CD1B: variants seen among roughly 807,000 people sequenced by gnomAD.
The protein encoded by CD1B is T-cell surface glycoprotein CD1b.
In CD1B, 43 loss-of-function variants were observed where a neutral mutation model predicts 39.8. That is an observed-to-expected ratio of 1.08 (90% confidence interval 0.85 to 1.39). The LOEUF (loss-of-function observed/expected upper bound fraction) is 1.39. CD1B is among the 40% of genes most tolerant of loss of function. The pLI is 0.00. For missense variants in CD1B, 495 were observed against 403.8 expected (o/e 1.23, Z -1.94); for synonymous variants, 192 against 152.5 (o/e 1.26, Z -1.91).
chr1:158,293,714 T>C, the CD1B span: 2 of 947,642 alleles, frequency 2.1e-6, no homozygotes, highest in Non-Finnish European at 3.2e-6. Flanking sequence ...ACGATCTTCC[T>C]TGACCCATAC....
At chr1:158,320,682 C>T in the CD1B span, among the ~76,000 whole-genome samples, 1 of 152,062 alleles carries the variant, frequency 6.6e-6, no homozygotes, top group Non-Finnish European at 1.5e-5. Flanking sequence ...TTGGCTCCTC[C>T]CCCTCCATAG....
At chr1:158,300,997 A>G in the CD1B span, among the ~76,000 whole-genome samples, 1 of 151,888 alleles carries the variant, frequency 6.6e-6, no homozygotes, top group East Asian at 1.9e-4. Context: ...TGACTTCATG[A>G]TCTGCCCACC....
At chr1:158,311,096 C>T in the CD1B span, among the ~76,000 whole-genome samples, 4 of 152,104 alleles carry the variant, frequency 2.6e-5, no homozygotes, top group Non-Finnish European at 4.4e-5. Context: ...TCTATCTGGT[C>T]TTTAATGGGT....
chr1:158,297,476 C>T, the CD1B span, among the ~76,000 whole-genome samples: 1 of 152,142 alleles, frequency 6.6e-6, no homozygotes, highest in South Asian at 2.1e-4. Context: ...CTCTTACCAG[C>T]CACCACATAA....
chr1:158,297,753 A>G, the CD1B span, among the ~76,000 whole-genome samples: 1 of 152,018 alleles, frequency 6.6e-6, no homozygotes, highest in South Asian at 2.1e-4. Context: ...GGCAACATGG[A>G]AAAACCCCAT....
chr1:158,291,018 A>G, the CD1B span: 2 of 1,084,568 alleles, frequency 1.8e-6, no homozygotes, highest in South Asian at 1.7e-5. Flanking sequence ...TGGTATAGCT[A>G]AAGTAGTCAT....
At chr1:158,292,761 A>G in the CD1B span, 1 of 1,614,156 alleles carries the variant, frequency 6.2e-7, no homozygotes, top group Non-Finnish European at 8.5e-7. Flanking sequence ...CCTAATGCTG[A>G]TGGGACATGG....
chr1:158,319,097 T>A, the CD1B span, among the ~76,000 whole-genome samples: 1 of 151,306 alleles, frequency 6.6e-6, no homozygotes, highest in African/African-American at 2.4e-5. Context: ...GCCCTTAACA[T>A]TTTTTCCTTC....
At chr1:158,300,752 C>G in the CD1B span, among the ~76,000 whole-genome samples, 1 of 144,224 alleles carries the variant, frequency 6.9e-6, no homozygotes, top group Non-Finnish European at 1.5e-5. Flanking sequence ...CTTTGTCTCT[C>G]TCTCTCTCTT....
At position 158,329,862 on chromosome 1, in the gene CD1B, C is replaced by A; in HGVS notation, c.597G>T (p.Leu199=). 6.2e-7 allele frequency: 1 copy of A among 1,613,152 alleles called. No individual in the cohort carries two copies. ...AACAGCAGGACTAACCTTGTCTTTG[C>A]AGATCTGCTTTTCCTGCATTGAGGA... ...LGVLNAGKAD[L]QRQVKPEAWL... Residue 199 remains leucine (L), a synonymous_variant, in exon 3 of 6, where the codon CTG becomes CTT. Transcript: ENST00000368168.
Position 158,329,565 on chromosome 1 carries a change from G to A in CD1B, c.691C>T (p.Pro231Ser). ...QLVCHVSGFY[P>S]KPVWVMWMRG... is the part of the protein sequence containing the mutation. Reference sequence around the variant, plus strand: ...ATCCACATCACCCACACGGGCTTTGGGTAGAATCCTGAGACATGGCACACA... The same window carrying A: ...ATCCACATCACCCACACGGGCTTTGAGTAGAATCCTGAGACATGGCACACA... The change falls in exon 4 of 6, where the codon CCA becomes TCA. Residue 231 changes from proline (P) to serine (S), a missense_variant. Physicochemically the swap from Pro to Ser is moderately conservative, Grantham distance 74. Coordinates refer to ENST00000368168, the MANE Select transcript of CD1B (RefSeq NM_001764.3). The A allele has an allele frequency of 1.2e-6, 2 of 1,614,070 alleles. No individual in the cohort carries two copies. The highest frequency in any genetic ancestry group is 1.7e-6 in the Non-Finnish European group (2 of 1,180,030).
the CD1B span, among the ~76,000 whole-genome samples, chr1:158,300,522 T>C: frequency 6.6e-6 from 1 of 152,142 alleles, no homozygotes; most frequent in Non-Finnish European, 1.5e-5. Context: ...TGAGTTCAAG[T>C]CCTGGATATC....
chr1:158,319,415 C>G, the CD1B span, among the ~76,000 whole-genome samples: 9 of 152,224 alleles, frequency 5.9e-5, no homozygotes, highest in South Asian at 2.1e-4. Context: ...TCATTCATTT[C>G]ATCTTCCATC....
the CD1B span, among the ~76,000 whole-genome samples, chr1:158,320,105 C>A: frequency 1.3e-5 from 2 of 152,244 alleles, no homozygotes; most frequent in African/African-American, 2.4e-5. Flanking sequence ...GAGGTTACAG[C>A]TTTTTGTTTG....
chr1:158,315,555 T>C, the CD1B span, among the ~76,000 whole-genome samples: 1 of 151,876 alleles, frequency 6.6e-6, no homozygotes, highest in East Asian at 1.9e-4. Flanking sequence ...TTCTCGATAT[T>C]AGCCCTTTGT....
the CD1B span, among the ~76,000 whole-genome samples, chr1:158,297,277 G>A: frequency 6.6e-6 from 1 of 152,152 alleles, no homozygotes; most frequent in East Asian, 1.9e-4. Flanking sequence ...TTAGAAGCCA[G>A]AAGACATTGA....
the CD1B span, among the ~76,000 whole-genome samples, chr1:158,298,912 T>G: frequency 0.011 from 1,651 of 152,296 alleles, 27 homozygotes; most frequent in African/African-American, 0.038. Context: ...AAAGAGATTT[T>G]GGGCTGAGGT....
At chr1:158,288,670 G>A in the CD1B span, among the ~76,000 whole-genome samples, 1 of 152,220 alleles carries the variant, frequency 6.6e-6, no homozygotes, top group African/African-American at 2.4e-5. Context: ...TGGGATTACA[G>A]GCATGAGTCA....
rs532396974 is a variant in CD1B, at chr1:158,329,736, C to T, written c.608-88G>A. On this transcript the variant is annotated intron_variant, in intron 3 of 5. Transcript: ENST00000368168. ...AGAAACCTACAAGCTTGGACAGCGA[C>T]CCCATTCACTCCTTTGGGAACCAAA... 127 of 1,564,976 alleles carry T rather than the reference C, an allele frequency of 8.1e-5. No individual in the cohort carries two copies. In the African/African-American group the frequency reaches 1.0e-3, roughly 13 times the overall value.
Sources: gnomAD v4.1 joint callset for allele counts (sites outside exome capture counted in the v4.1 genomes callset) on GRCh38, gnomAD v4.1.1 for gene constraint, MANE v1.5 for transcripts, NCBI Gene and HGNC (gene_info 2026-07-23, HGNC 2026-07-21) for gene names.